Variants in SORCS2 observed in about 807,000 individuals in gnomAD.
SORCS2 encodes VPS10 domain-containing receptor SorCS2.
SORCS2 carries 100 observed loss-of-function variants against 141.6 expected under a neutral mutation model. The observed-to-expected ratio is 0.71, with a 90% CI of 0.60 to 0.83. The LOEUF is 0.83. Among genes scored for constraint, SORCS2 ranks in the 40% least tolerant of loss-of-function variants. The pLI, the probability that SORCS2 is intolerant of heterozygous loss-of-function variation, is 0.00. For missense variants in SORCS2, 1,646 were observed against 1,560.2 expected, an observed-to-expected ratio of 1.05 and a Z score of -0.93; for synonymous variants, 789 against 676.9, an observed-to-expected ratio of 1.17 and a Z score of -2.57.
intron 11 of SORCS2, among the ~76,000 whole-genome samples, chr4:7,690,579 C>T (rs965698446): frequency 2.1e-5 from 3 of 143,086 alleles, no homozygotes; most frequent in East Asian, 2.2e-4. Context: ...GGTGGATAGG[C>T]AGATGGATAG....
At chr4:7,492,617 G>A (rs964718956) in intron 2 of SORCS2, among the ~76,000 whole-genome samples, 2 of 152,164 alleles carry the variant, frequency 1.3e-5, no homozygotes, top group African/African-American at 2.4e-5. Flanking sequence ...TTTGAGGAAC[G>A]TCTGTACTAT....
chr4:7,249,576 C>T (rs140392746), intron 1 of SORCS2, among the ~76,000 whole-genome samples: 104 of 152,244 alleles, frequency 6.8e-4, no homozygotes, highest in African/African-American at 2.2e-3. Flanking sequence ...GCTTCTAGGG[C>T]GCCAGGTCCT....
intron 2 of SORCS2, among the ~76,000 whole-genome samples, chr4:7,487,288 T>C (rs747000128): frequency 8.5e-5 from 13 of 152,230 alleles, no homozygotes; most frequent in Non-Finnish European, 1.3e-4. Flanking sequence ...AAGCTGTCTG[T>C]TACATTCCCT....
intron 1 of SORCS2, among the ~76,000 whole-genome samples, chr4:7,293,214 G>C (rs909805196): frequency 6.6e-5 from 10 of 152,048 alleles, no homozygotes; most frequent in African/African-American, 2.4e-4. Flanking sequence ...TAAGGCAGGA[G>C]AATGGCGTGA....
At chr4:7,661,848 G>A (rs1446974471) in intron 6 of SORCS2, among the ~76,000 whole-genome samples, 1 of 152,172 alleles carries the variant, frequency 6.6e-6, no homozygotes, top group African/African-American at 2.4e-5. Context: ...CCCCTGGCAT[G>A]TGCTAAGTGT....
intron 3 of SORCS2, among the ~76,000 whole-genome samples, chr4:7,626,868 A>G (rs1719546451): frequency 6.6e-6 from 1 of 152,222 alleles, no homozygotes; most frequent in South Asian, 2.1e-4. Flanking sequence ...GTGCTGGCTC[A>G]ATGAATGAAA....
chr4:7,220,281 G>A (rs571810878), intron 1 of SORCS2, among the ~76,000 whole-genome samples: 1 of 152,052 alleles, frequency 6.6e-6, no homozygotes, highest in East Asian at 1.9e-4. Flanking sequence ...GGGGGTGGGG[G>A]ACGGCCACCC....
chr4:7,219,050 C>T (rs757731080), intron 1 of SORCS2, among the ~76,000 whole-genome samples: 1 of 152,206 alleles, frequency 6.6e-6, no homozygotes, highest in Non-Finnish European at 1.5e-5. Context: ...TTGGCATGCA[C>T]AGCTGGCTCC....
chr4:7,243,969 G>T (rs757105022), intron 1 of SORCS2, among the ~76,000 whole-genome samples: 30 of 152,242 alleles, frequency 2.0e-4, no homozygotes, highest in Non-Finnish European at 3.8e-4. Context: ...GACCGGGAGG[G>T]CCATGGCCAG....
chr4:7,389,627 C>T (rs1023410764), intron 1 of SORCS2, among the ~76,000 whole-genome samples: 11 of 152,190 alleles, frequency 7.2e-5, no homozygotes, highest in Non-Finnish European at 1.2e-4. Context: ...CTGAGGCTGA[C>T]GCAGTTCCTC....
intron 2 of SORCS2, among the ~76,000 whole-genome samples, chr4:7,419,466 G>A (rs564730306): frequency 6.6e-6 from 1 of 152,302 alleles, no homozygotes; most frequent in East Asian, 1.9e-4. Flanking sequence ...TTATAGCAAT[G>A]GGCCTTGTAT....
At chr4:7,737,786 G>A (rs1367947022) in intron 26 of SORCS2, among the ~76,000 whole-genome samples, 1 of 152,210 alleles carries the variant, frequency 6.6e-6, no homozygotes, top group Non-Finnish European at 1.5e-5. Context: ...GAGCTGACTG[G>A]GCTCAGCCGG....
Position 7,740,181 on chromosome 4 carries a change from C to T in SORCS2, c.3416-19C>T, listed in dbSNP as rs776104060. On this transcript the variant is annotated intron_variant, in intron 26 of 26. Transcript: ENST00000507866. ...CCCGGGCTTGTGCTCACGGGACCTG[C>T]GTCTCTTCTGTTTCCTAGGCAACCA... 8.6e-5 allele frequency: 138 copies of T among 1,601,054 alleles called. No homozygotes were observed. Among genetic ancestry groups the T allele is most frequent in the East Asian group, 3.8e-4 (17 of 44,570 alleles).
At chr4:7,247,389 G>C (rs1013352185) in intron 1 of SORCS2, among the ~76,000 whole-genome samples, 2 of 151,982 alleles carry the variant, frequency 1.3e-5, no homozygotes, top group African/African-American at 2.4e-5. Context: ...ATACTTAGAA[G>C]AGAAAATTAT....
At position 7,468,046 on chromosome 4, in the gene SORCS2, G is replaced by A. The variant is rs929988168; in HGVS notation, c.549-63484G>A. On this transcript the variant is annotated intron_variant, in intron 2 of 26. Transcript: ENST00000507866. ...ACACCGAGGTATGAGGATGGCAGCG[G>A]GTTCTCCCTCAGTGCCCCCAGCTCC... 3.3e-5 allele frequency among the ~76,000 whole-genome samples: 5 copies of A among 152,292 alleles called. No individual in the cohort carries two copies. In the South Asian group the frequency reaches 1.0e-3, roughly 32 times the overall value.
intron 3 of SORCS2, among the ~76,000 whole-genome samples, chr4:7,540,058 C>G (rs1324019030): frequency 9.3e-6 from 1 of 108,044 alleles, no homozygotes; most frequent in Non-Finnish European, 1.9e-5. Context: ...CCCTGCCTGT[C>G]GTGGAGGCCC....
At chr4:7,547,782 C>T (rs1713375078) in intron 3 of SORCS2, among the ~76,000 whole-genome samples, 1 of 152,246 alleles carries the variant, frequency 6.6e-6, no homozygotes, top group Admixed American at 6.5e-5. Context: ...GTCTTCCTTA[C>T]CCCACAGATG....
At chr4:7,249,950 AAG>A (rs1202773963) in intron 1 of SORCS2, among the ~76,000 whole-genome samples, 13 of 152,260 alleles carry the variant, frequency 8.5e-5, no homozygotes, top group African/African-American at 3.1e-4. Flanking sequence ...TTCTCTAAGA[AAG>A]AGGGGTAGGC....
At chr4:7,401,007 A>G (rs1411453874) in intron 2 of SORCS2, among the ~76,000 whole-genome samples, 2 of 151,916 alleles carry the variant, frequency 1.3e-5, no homozygotes, top group Non-Finnish European at 2.9e-5. Context: ...TGATAGGTGG[A>G]TAGATGAATT....
Sources: gnomAD v4.1 joint callset for allele counts (sites outside exome capture counted in the v4.1 genomes callset) on GRCh38, gnomAD v4.1.1 for gene constraint, MANE v1.5 for transcripts, NCBI Gene and HGNC (gene_info 2026-07-23, HGNC 2026-07-21) for gene names.